The following NCAM2 variants were observed in gnomAD, a reference collection of about 807,000 sequenced individuals.
The protein encoded by NCAM2 is N-CAM-2.
A neutral mutation model predicts 98.1 loss-of-function variants in NCAM2; 30 were observed. The observed-to-expected ratio is 0.31, with a 90% CI of 0.23 to 0.41. NCAM2 has a LOEUF of 0.41. NCAM2 is among the 10% of genes least tolerant of loss of function. NCAM2 has a pLI of 1.00. For synonymous variants in NCAM2, 368 were observed against 342.4 expected, an observed-to-expected ratio of 1.07 and a Z score of -0.83; for missense variants, 867 against 1,005.8, an observed-to-expected ratio of 0.86 and a Z score of 1.87.
At chr21:21,119,545 G>A (rs2066629902) in intron 1 of NCAM2, among the ~76,000 whole-genome samples, 1 of 125,320 alleles carries the variant, frequency 8.0e-6, no homozygotes, top group Non-Finnish European at 1.6e-5. Flanking sequence ...ATCACTCATA[G>A]TTTATAAAAT....
At chr21:21,335,164 T>A (rs2074825508) in intron 6 of NCAM2, among the ~76,000 whole-genome samples, 1 of 152,132 alleles carries the variant, frequency 6.6e-6, no homozygotes, top group East Asian at 1.9e-4. Context: ...CACCAACATT[T>A]AATTGTGTAT....
At chr21:21,022,092 A>G (rs929839491) in intron 1 of NCAM2, among the ~76,000 whole-genome samples, 5 of 152,106 alleles carry the variant, frequency 3.3e-5, no homozygotes, top group Admixed American at 6.5e-5. Context: ...AACATATTGT[A>G]CTGATAAATG....
chr21:21,432,072 C>G (rs750259728), intron 11 of NCAM2, 36 bp from the exon 12 acceptor site: 4 of 1,592,478 alleles, frequency 2.5e-6, no homozygotes, highest in African/African-American at 1.3e-5. Context: ...TTCCCATTCC[C>G]TTGGTTATGT....
intron 11 of NCAM2, among the ~76,000 whole-genome samples, chr21:21,418,803 T>A (rs543473542): frequency 6.6e-6 from 1 of 152,246 alleles, no homozygotes; most frequent in Admixed American, 6.5e-5. Flanking sequence ...TAAGATATGC[T>A]GTTCAGTGGT....
At chr21:21,241,437 C>A (rs1422408726) in intron 1 of NCAM2, among the ~76,000 whole-genome samples, 1 of 152,096 alleles carries the variant, frequency 6.6e-6, no homozygotes, top group East Asian at 1.9e-4. Flanking sequence ...AAATTGTTAA[C>A]TTCTGTATTT....
At chr21:21,309,817 T>C (rs1036916472) in intron 5 of NCAM2, among the ~76,000 whole-genome samples, 17 of 149,226 alleles carry the variant, frequency 1.1e-4, no homozygotes, top group African/African-American at 3.9e-4. Context: ...GACAGTAAGC[T>C]GAGACACAGC....
intron 1 of NCAM2, among the ~76,000 whole-genome samples, chr21:21,185,029 A>G (rs758672733): frequency 1.4e-4 from 22 of 152,088 alleles, no homozygotes; most frequent in Non-Finnish European, 2.6e-4. Context: ...TTTCAGTAGG[A>G]TGAGAGTAAT....
intron 1 of NCAM2, among the ~76,000 whole-genome samples, chr21:21,024,038 A>T (rs2064491152): frequency 6.6e-6 from 1 of 152,166 alleles, no homozygotes; most frequent in Non-Finnish European, 1.5e-5. Flanking sequence ...TTCTCAAGGG[A>T]TTTACCATCC....
chr21:21,392,494 AT>A (rs2076402548), intron 9 of NCAM2, among the ~76,000 whole-genome samples: 1 of 152,164 alleles, frequency 6.6e-6, no homozygotes, highest in Non-Finnish European at 1.5e-5. Flanking sequence ...GTTGATTGGT[AT>A]TTCTGTCTTT....
intron 1 of NCAM2, among the ~76,000 whole-genome samples, chr21:21,183,328 TC>T (rs1569119689): frequency 6.6e-6 from 1 of 152,104 alleles, no homozygotes; most frequent in Non-Finnish European, 1.5e-5. Flanking sequence ...ACTCTCTTAA[TC>T]CTAATGCTGT....
At chr21:21,378,084 T>C (rs148732021) in intron 9 of NCAM2, among the ~76,000 whole-genome samples, 84 of 152,170 alleles carry the variant, frequency 5.5e-4, no homozygotes, top group Non-Finnish European at 1.1e-3. Context: ...CTTTCATTCA[T>C]TGGTGGACAT....
intron 1 of NCAM2, among the ~76,000 whole-genome samples, chr21:21,084,125 T>C (rs559390779): frequency 1.3e-5 from 2 of 152,312 alleles, no homozygotes; most frequent in East Asian, 3.9e-4. Context: ...TGTTTTGCTG[T>C]GTCCTTACAT....
chr21:21,083,325 CAG>C lies in NCAM2; in HGVS notation c.55+84708_55+84709del, dbSNP rs905414727. Among the ~76,000 whole-genome samples the C allele has an allele frequency of 1.3e-3, 201 of 152,086 alleles. 1 individual carries two copies. Among genetic ancestry groups the C allele is most frequent in the African/African-American group, 4.4e-3 (184 of 41,484 alleles). Reference sequence around the variant, plus strand: ...GCTGGTAATTATTATTTCCATGTAACAGGGGAGAAAACTGAAGTTCAAATTGT... The same window carrying C: ...GCTGGTAATTATTATTTCCATGTAACGGGAGAAAACTGAAGTTCAAATTGT... On this transcript the variant is annotated intron_variant, in intron 1 of 17. Transcript: ENST00000400546.
chr21:21,350,032 CA>C lies in NCAM2; in HGVS notation c.1044+11500del, dbSNP rs201067033. On this transcript the variant is annotated intron_variant, in intron 8 of 17. Transcript: ENST00000400546. ...CCAACAGGGTGAGTATAGTTAATAC[CA>C]ACTTAATTGTACATTTTAAAATAAC... is the stretch of plus-strand genomic sequence containing the variant. Among the ~76,000 whole-genome samples, 1,249 of 151,972 alleles carry C rather than the reference CA, an allele frequency of 8.2e-3. 5 individuals carry two copies. The highest frequency in any genetic ancestry group is 0.012 in the Non-Finnish European group (834 of 67,930).
intron 16 of NCAM2, among the ~76,000 whole-genome samples, chr21:21,531,999 A>G (rs566465393): frequency 1.3e-5 from 2 of 151,664 alleles, no homozygotes; most frequent in South Asian, 4.2e-4. Context: ...TCTCAAAAAA[A>G]AAGAAAAATA....
rs534191618 is a variant in NCAM2, at chr21:21,236,648, CTTGGGT to C, written c.56-43929_56-43924del. Among the ~76,000 whole-genome samples, 540 of 152,024 alleles carry C rather than the reference CTTGGGT, an allele frequency of 3.6e-3. 5 individuals are homozygous for C. Among genetic ancestry groups the C allele is most frequent in the African/African-American group, 0.013 (522 of 41,480 alleles). ...CCATTCGTAAATAAAGTGAGATAAA[CTTGGGT>C]CTTTTTATGTTGCCTAGTATTTAAT... is the stretch of plus-strand genomic sequence containing the variant. On this transcript the variant is annotated intron_variant, in intron 1 of 17. Coordinates refer to ENST00000400546, the MANE Select transcript of NCAM2 (RefSeq NM_004540.5).
chr21:21,086,832 T>G (rs1231917212), intron 1 of NCAM2, among the ~76,000 whole-genome samples: 10 of 151,144 alleles, frequency 6.6e-5, no homozygotes, highest in African/African-American at 4.9e-5. Flanking sequence ...AATGCAAGGG[T>G]GTGTGTGTGT....
At chr21:21,535,249 A>C (rs74513213) in intron 17 of NCAM2, among the ~76,000 whole-genome samples, 7,819 of 152,124 alleles carry the variant, frequency 0.051, 675 homozygotes, top group African/African-American at 0.18. Flanking sequence ...ATACGCCTAG[A>C]TTCATGCACA....
chr21:21,184,346 T>G (rs2068570930), intron 1 of NCAM2, among the ~76,000 whole-genome samples: 1 of 152,088 alleles, frequency 6.6e-6, no homozygotes, highest in Non-Finnish European at 1.5e-5. Flanking sequence ...AGTAATCTTT[T>G]TATGATATCT....
Sources: gnomAD v4.1 joint callset for allele counts (sites outside exome capture counted in the v4.1 genomes callset) on GRCh38, gnomAD v4.1.1 for gene constraint, MANE v1.5 for transcripts, NCBI Gene and HGNC (gene_info 2026-07-23, HGNC 2026-07-21) for gene names.